Variants in OPHN1 observed in about 807,000 individuals in gnomAD.
OPHN1 encodes the protein oligophrenin 1.
OPHN1 carries 11 observed loss-of-function variants against 60.7 expected under a neutral mutation model. That is an observed-to-expected ratio of 0.18 (90% CI 0.11 to 0.30). The LOEUF (loss-of-function observed/expected upper bound fraction) is 0.30, where lower values mean the gene tolerates loss of function less well. Among genes scored for constraint, OPHN1 ranks in the 10% least tolerant of loss-of-function variants. OPHN1 has a pLI of 1.00. For synonymous variants in OPHN1, 226 were observed against 222.6 expected (o/e 1.02, Z -0.14); for missense variants, 449 against 611.0 (o/e 0.73, Z 2.80).
intron 5 of OPHN1, among the ~76,000 whole-genome samples, chrX:68,271,276 A>C (rs2077967238): frequency 9.0e-6 from 1 of 110,501 alleles, no homozygotes; most frequent in African/African-American, 3.3e-5. Context: ...CTGTAATTCT[A>C]ACACTTTGGG....
chrX:68,104,025 A>G (rs2077071083), intron 18 of OPHN1, among the ~76,000 whole-genome samples: 1 of 111,435 alleles, frequency 9.0e-6, no homozygotes, highest in Non-Finnish European at 1.9e-5. Context: ...CTATACACCA[A>G]TAACAGAAAG....
chrX:68,103,136 C>T (rs1360866157), intron 18 of OPHN1, among the ~76,000 whole-genome samples: 1 of 111,937 alleles, frequency 8.9e-6, no homozygotes, highest in African/African-American at 3.2e-5. Flanking sequence ...CAATAAAATA[C>T]TGGCAAACCG....
intron 3 of OPHN1, among the ~76,000 whole-genome samples, chrX:68,293,870 T>C (rs1298380398): frequency 9.0e-6 from 1 of 111,234 alleles, no homozygotes; most frequent in Non-Finnish European, 1.9e-5. Flanking sequence ...TGTTTCACCT[T>C]AACCCTGGAA....
At chrX:68,138,976 A>G (rs2077231718) in intron 15 of OPHN1, among the ~76,000 whole-genome samples, 1 of 112,447 alleles carries the variant, frequency 8.9e-6, no homozygotes, top group Admixed American at 9.4e-5. Flanking sequence ...CCACCTCTAA[A>G]GTATTTTTGC....
rs1280393599 is a variant in OPHN1 at position 68,239,214 on chromosome X, GCTGGTGTCTGCCGGTGTCCTC to G, written c.385-4647_385-4627del. On this transcript the variant is annotated intron_variant, in intron 5 of 24. Coordinates refer to ENST00000355520, the MANE Select transcript of OPHN1 (RefSeq NM_002547.3). Reference sequence around the variant, plus strand: ...CGCCATAGATGACCTGCTGGCAACTGCTGGTGTCTGCCGGTGTCCTCCTGGTGTCTGCCGGTGTCCTCCTGG... The same window carrying G: ...CGCCATAGATGACCTGCTGGCAACTGCTGGTGTCTGCCGGTGTCCTCCTGG... 3.2e-3 allele frequency among the ~76,000 whole-genome samples: 328 copies of G among 103,907 alleles called. 2 individuals are homozygous for G. Among genetic ancestry groups the G allele is most frequent in the African/African-American group, 0.011 (312 of 28,817 alleles). 90.2% of individuals were successfully genotyped at this position (103,907 alleles called of 115,157 possible).
chrX:68,139,602 T>C lies in OPHN1; in HGVS notation c.1277-20270A>G, dbSNP rs180674085. Among the ~76,000 whole-genome samples, 13 of 112,648 alleles carry C rather than the reference T, an allele frequency of 1.2e-4. No individual in the cohort carries two copies. The East Asian group carries it at 3.3e-3, about 29-fold the overall frequency. ...GAAACTGGTAACTATGGTTGCTTCC[T>C]GGGATGGCAATGGGGTGGCTGGGAG... On this transcript the variant is annotated intron_variant, in intron 15 of 24. Coordinates refer to ENST00000355520, the MANE Select transcript of OPHN1 (RefSeq NM_002547.3).
At chrX:68,207,018 G>A (rs1282771389) in intron 9 of OPHN1, among the ~76,000 whole-genome samples, 1 of 111,419 alleles carries the variant, frequency 9.0e-6, no homozygotes, top group Non-Finnish European at 1.9e-5. Flanking sequence ...ATTGGGTTAT[G>A]CCCCTTCTAA....
chrX:68,286,197 T>G (rs142413107), intron 3 of OPHN1, among the ~76,000 whole-genome samples: 1,428 of 111,853 alleles, frequency 0.013, 20 homozygotes, highest in African/African-American at 0.044. Flanking sequence ...TGTGGTTGCT[T>G]GTTGTTACAT....
chrX:68,398,689 C>T, intron 2 of OPHN1, among the ~76,000 whole-genome samples: 1 of 111,785 alleles, frequency 8.9e-6, no homozygotes, highest in East Asian at 2.8e-4. Flanking sequence ...TGACTCACGC[C>T]TGTAATCCCA....
At chrX:68,087,823 C>G (rs888452608) in intron 19 of OPHN1, among the ~76,000 whole-genome samples, 1 of 111,893 alleles carries the variant, frequency 8.9e-6, no homozygotes, top group South Asian at 3.7e-4. Context: ...AAACCATACT[C>G]TTAACTACAC....
chrX:68,114,252 C>T (rs1414892967), intron 16 of OPHN1, among the ~76,000 whole-genome samples: 5 of 111,183 alleles, frequency 4.5e-5, no homozygotes, highest in Non-Finnish European at 7.5e-5. Flanking sequence ...TGTATTAACC[C>T]ATTTAAACCT....
intron 2 of OPHN1, among the ~76,000 whole-genome samples, chrX:68,411,064 A>G (rs2078766861): frequency 8.9e-6 from 1 of 112,100 alleles, no homozygotes; most frequent in African/African-American, 3.2e-5. Flanking sequence ...ATAGGAGAAA[A>G]GGCATACAAT....
At chrX:68,264,410 G>C (rs1303280071) in intron 5 of OPHN1, among the ~76,000 whole-genome samples, 1 of 111,149 alleles carries the variant, frequency 9.0e-6, no homozygotes, top group Non-Finnish European at 1.9e-5. Context: ...AAATTTACAA[G>C]AAAAAAACAA....
At chrX:68,271,827 A>G (rs966337543) in intron 5 of OPHN1, among the ~76,000 whole-genome samples, 5 of 110,547 alleles carry the variant, frequency 4.5e-5, no homozygotes, top group Non-Finnish European at 7.6e-5. Flanking sequence ...TCAGCCAGCA[A>G]GTGGGCCATG....
intron 15 of OPHN1, among the ~76,000 whole-genome samples, chrX:68,164,180 T>C (rs1242340492): frequency 1.8e-5 from 2 of 111,664 alleles, no homozygotes; most frequent in African/African-American, 6.5e-5. Flanking sequence ...CATAGTGTAA[T>C]AGAATTCATT....
intron 14 of OPHN1, 44 bp downstream of exon 14, chrX:68,193,846 G>A (rs1290065820): frequency 1.9e-6 from 2 of 1,062,002 alleles, no homozygotes; most frequent in Middle Eastern, 2.5e-4. Context: ...TAAAATCAGA[G>A]TGACGAGATT....
chrX:68,433,674 T>G, upstream of OPHN1: 1 of 297,340 alleles, frequency 3.4e-6, no homozygotes, highest in Non-Finnish European at 5.9e-6. Context: ...TAAGACTTCT[T>G]CCTGGTGCAA....
At chrX:68,080,566 T>C (rs774815920) in intron 19 of OPHN1, among the ~76,000 whole-genome samples, 3 of 112,334 alleles carry the variant, frequency 2.7e-5, no homozygotes, top group Non-Finnish European at 3.8e-5. Context: ...GTAGAAATAA[T>C]GCATGAAAGC....
In OPHN1 at chrX:68,103,462, C is replaced by T. The variant is rs775703880; in HGVS notation, c.1527-6433G>A. Among the ~76,000 whole-genome samples, 382 of 101,943 alleles carry T rather than the reference C, an allele frequency of 3.7e-3. 3 individuals carry two copies. The highest frequency in any genetic ancestry group is 0.013 in the African/African-American group (372 of 27,674). 88.5% of individuals were successfully genotyped at this position (101,943 alleles called of 115,157 possible). On this transcript the variant is annotated intron_variant, in intron 18 of 24. Coordinates refer to ENST00000355520, the MANE Select transcript of OPHN1 (RefSeq NM_002547.3). ...AGCTGGAAGCATTCCCTTTAAAAAC[C>T]GCCACAAGACAAGCATGCCCTCTCT...
Sources: gnomAD v4.1 joint callset for allele counts (sites outside exome capture counted in the v4.1 genomes callset) on GRCh38, gnomAD v4.1.1 for gene constraint, MANE v1.5 for transcripts, NCBI Gene and HGNC (gene_info 2026-07-23, HGNC 2026-07-21) for gene names.